CCDC91: variants seen among roughly 807,000 people sequenced by gnomAD.
CCDC91 encodes coiled-coil domain-containing protein 91.
A neutral mutation model predicts 63.2 loss-of-function variants in CCDC91; 48 were observed. The observed-to-expected ratio is 0.76, with a 90% CI of 0.60 to 0.97. CCDC91 has a LOEUF of 0.97. Among genes scored for constraint, CCDC91 ranks in the 50% least tolerant of loss-of-function variants. The pLI, the probability that CCDC91 is intolerant of heterozygous loss-of-function variation, is 0.00. For missense variants in CCDC91, 500 were observed against 494.6 expected, an observed-to-expected ratio of 1.01 and a Z score of -0.10; for synonymous variants, 167 against 165.8, an observed-to-expected ratio of 1.01 and a Z score of -0.06.
At chr12:28,514,387 A>T (rs1312503799) in intron 12 of CCDC91, among the ~76,000 whole-genome samples, 2 of 149,168 alleles carry the variant, frequency 1.3e-5, no homozygotes, top group East Asian at 2.0e-4. Flanking sequence ...GTTTGTGAAA[A>T]TTTTCTTCCA....
At chr12:28,538,027 C>A (rs1044117876) in intron 12 of CCDC91, among the ~76,000 whole-genome samples, 4 of 151,106 alleles carry the variant, frequency 2.6e-5, no homozygotes, top group Non-Finnish European at 5.9e-5. Context: ...CTTATATATT[C>A]TTTTTGATAG....
In CCDC91 at chr12:28,279,460, C is replaced by T. The variant is rs752305998; in HGVS notation, c.109+20018C>T. On this transcript the variant is annotated intron_variant, in intron 3 of 12. Coordinates refer to ENST00000536442, the MANE Select transcript of CCDC91 (RefSeq NM_018318.5). ...TATTCTTAAGGTGAAGACTTACTGG[C>T]CTAGATTTTGATGCACAAAACAAAT... 2.0e-5 allele frequency among the ~76,000 whole-genome samples: 3 copies of T among 151,984 alleles called. No homozygotes were observed. In the East Asian group the frequency reaches 5.8e-4, roughly 29 times the overall value.
At chr12:28,313,221 C>T (rs1261655663) in intron 6 of CCDC91, among the ~76,000 whole-genome samples, 1 of 151,536 alleles carries the variant, frequency 6.6e-6, no homozygotes, top group Admixed American at 6.6e-5. Context: ...TCTGTGGTAT[C>T]CTAAATAAAG....
At chr12:28,449,672 A>G (rs1367143387) in intron 8 of CCDC91, among the ~76,000 whole-genome samples, 3 of 151,982 alleles carry the variant, frequency 2.0e-5, no homozygotes, top group African/African-American at 7.2e-5. Context: ...TCTGTGGTAA[A>G]ATCTTGAGGT....
intron 8 of CCDC91, among the ~76,000 whole-genome samples, chr12:28,405,645 T>C (rs1272887164): frequency 6.6e-6 from 1 of 152,206 alleles, no homozygotes; most frequent in Non-Finnish European, 1.5e-5. Flanking sequence ...TTGAAAATGC[T>C]GAATAATTCT....
intron 7 of CCDC91, among the ~76,000 whole-genome samples, chr12:28,369,774 T>C (rs529129508): frequency 6.6e-6 from 1 of 152,350 alleles, no homozygotes; most frequent in East Asian, 1.9e-4. Context: ...CCTTGCCTTC[T>C]GTGCACCTGC....
intron 1 of CCDC91, among the ~76,000 whole-genome samples, chr12:28,248,342 C>G (rs899364466): frequency 6.6e-6 from 1 of 151,806 alleles, no homozygotes; most frequent in Admixed American, 6.6e-5. Flanking sequence ...GCTCAGGAAA[C>G]ACATCTAAAT....
At chr12:28,372,998 G>C (rs1186348717) in intron 7 of CCDC91, among the ~76,000 whole-genome samples, 1 of 152,080 alleles carries the variant, frequency 6.6e-6, no homozygotes, top group African/African-American at 2.4e-5. Context: ...TTTGAGGAAT[G>C]CCTCTTCTGT....
At position 28,218,699 on chromosome 12, in the gene CCDC91, TTGTGTG is replaced by T. The variant is rs60247849; in HGVS notation, c.-15+28084_-15+28089del. ...AATATAAAAGGAACATTGCAGATGT[TTGTGTG>T]TGTGTGTGTGTGTGTGTGTGTGTGT... On this transcript the variant is annotated intron_variant, in intron 1 of 12. Coordinates refer to ENST00000536442, the MANE Select transcript of CCDC91 (RefSeq NM_018318.5). Among the ~76,000 whole-genome samples, 244 of 146,626 alleles carry T rather than the reference TTGTGTG, an allele frequency of 1.7e-3. 1 individual carries two copies. Among genetic ancestry groups the T allele is most frequent in the African/African-American group, 5.4e-3 (214 of 39,984 alleles).
At chr12:28,539,999 C>T (rs1290923662) in intron 12 of CCDC91, among the ~76,000 whole-genome samples, 3 of 151,842 alleles carry the variant, frequency 2.0e-5, no homozygotes, top group Non-Finnish European at 2.9e-5. Flanking sequence ...TTTTGAATAC[C>T]AGGGGATTAG....
intron 12 of CCDC91, among the ~76,000 whole-genome samples, chr12:28,513,388 C>G (rs535739409): frequency 6.6e-6 from 1 of 151,772 alleles, no homozygotes; most frequent in African/African-American, 2.4e-5. Flanking sequence ...GTTGAGAATC[C>G]CCAATCTGAA....
intron 1 of CCDC91, among the ~76,000 whole-genome samples, chr12:28,204,933 GCATAATTAA>G (rs1238114099): frequency 6.6e-6 from 1 of 152,110 alleles, no homozygotes; most frequent in African/African-American, 2.4e-5. Context: ...TTGCTACCAT[GCATAATTAA>G]CATTTTTAAG....
chr12:28,287,859 G>A (rs184589070), intron 3 of CCDC91, among the ~76,000 whole-genome samples: 5 of 152,192 alleles, frequency 3.3e-5, no homozygotes, highest in Admixed American at 2.0e-4. Context: ...GCATTTATTT[G>A]TGTTATCTCT....
intron 7 of CCDC91, among the ~76,000 whole-genome samples, chr12:28,369,013 G>A (rs1174602202): frequency 6.6e-6 from 1 of 152,090 alleles, no homozygotes; most frequent in African/African-American, 2.4e-5. Flanking sequence ...TTTCGGTGGG[G>A]ACACAAAGCC....
At chr12:28,223,254 A>G (rs1944064399) in intron 1 of CCDC91, among the ~76,000 whole-genome samples, 3 of 152,166 alleles carry the variant, frequency 2.0e-5, no homozygotes, top group Admixed American at 1.3e-4. Flanking sequence ...ATGGTTAAAG[A>G]TAATCCTTTA....
intron 6 of CCDC91, among the ~76,000 whole-genome samples, chr12:28,342,973 A>G (rs1259685402): frequency 6.6e-6 from 1 of 152,178 alleles, no homozygotes; most frequent in African/African-American, 2.4e-5. Flanking sequence ...ACATAGCCAG[A>G]TAACCTTAGA....
At chr12:28,247,960 G>A (rs1945866058) in intron 1 of CCDC91, among the ~76,000 whole-genome samples, 1 of 152,162 alleles carries the variant, frequency 6.6e-6, no homozygotes, top group African/African-American at 2.4e-5. Context: ...AATCTGACAG[G>A]AGGCAGAGCT....
chr12:28,244,494 CTTTTTTTTTTT>C (rs3064681), intron 1 of CCDC91, among the ~76,000 whole-genome samples: 27 of 38,406 alleles, frequency 7.0e-4, no homozygotes, highest in African/African-American at 1.4e-3. Flanking sequence ...TAGAAGAAGG[CTTTTTTTTTTT>C]TTTTTTTTTT....
intron 12 of CCDC91, among the ~76,000 whole-genome samples, chr12:28,522,252 C>T (rs1940764942): frequency 6.6e-6 from 1 of 152,098 alleles, no homozygotes; most frequent in South Asian, 2.1e-4. Flanking sequence ...ATTTCAGAGC[C>T]TGTTATTGGT....
Sources: allele counts gnomAD v4.1 joint callset (sites outside exome capture counted in the v4.1 genomes callset), GRCh38; gene constraint gnomAD v4.1.1; transcripts MANE v1.5; gene names NCBI Gene and HGNC (gene_info 2026-07-23, HGNC 2026-07-21).